GLT1D1: variants seen among roughly 807,000 people sequenced by gnomAD.
The protein encoded by GLT1D1 is glycosyltransferase 1 domain-containing protein 1.
A neutral mutation model predicts 28.7 loss-of-function variants in GLT1D1; 21 were observed. That is an observed-to-expected ratio of 0.73 (90% confidence interval 0.52 to 1.05). GLT1D1 has a LOEUF of 1.05. Among genes scored for constraint, GLT1D1 ranks in the 50% least tolerant of loss-of-function variants. The pLI is 0.00. For synonymous variants in GLT1D1, 147 were observed against 124.8 expected (o/e 1.18, Z -1.19); for missense variants, 343 against 330.6 (o/e 1.04, Z -0.29).
rs532669529 is a variant in GLT1D1, at chr12:128,884,783, T to C, written c.218-3856T>C. On this transcript the variant is annotated intron_variant, in intron 2 of 7. Coordinates refer to ENST00000281703, the MANE Select transcript of GLT1D1 (RefSeq NM_144669.3). ...GAGCCAAGATAGCACCGCTGCACTC[T>C]AGCCTGGGTGACCAAGTGAGACTCT... 2.6e-3 allele frequency among the ~76,000 whole-genome samples: 399 copies of C among 152,138 alleles called. 1 individual carries two copies. Among genetic ancestry groups the C allele is most frequent in the Non-Finnish European group, 4.2e-3 (283 of 67,982 alleles).
intron 1 of GLT1D1, among the ~76,000 whole-genome samples, chr12:128,868,007 A>G (rs1428196972): frequency 6.6e-6 from 1 of 152,258 alleles, no homozygotes; most frequent in African/African-American, 2.4e-5. Context: ...GAGTAATTGA[A>G]TTGAAAGCTA....
At chr12:128,909,044 C>T (rs1326182134) in intron 4 of GLT1D1, among the ~76,000 whole-genome samples, 1 of 152,194 alleles carries the variant, frequency 6.6e-6, no homozygotes. Flanking sequence ...GCTAGTCTCC[C>T]GTTTCTGACC....
chr12:128,958,299 C>T (rs1877502069), intron 7 of GLT1D1, among the ~76,000 whole-genome samples: 1 of 152,196 alleles, frequency 6.6e-6, no homozygotes, highest in African/African-American at 2.4e-5. Flanking sequence ...TCTCCAAGCC[C>T]CACTTTCTCT....
At chr12:128,854,694 A>G (rs772361013) in intron 1 of GLT1D1, among the ~76,000 whole-genome samples, 6 of 151,908 alleles carry the variant, frequency 3.9e-5, no homozygotes, top group African/African-American at 9.7e-5. Context: ...ACAGGGTTTC[A>G]CCATGTTGGC....
chr12:128,982,709 T>C (rs1880449183), intron 7 of GLT1D1, among the ~76,000 whole-genome samples: 2 of 151,990 alleles, frequency 1.3e-5, no homozygotes, highest in South Asian at 4.2e-4. Context: ...TATGTGTGTG[T>C]GCATGTATGT....
chr12:128,883,589 C>T lies in GLT1D1; in HGVS notation c.218-5050C>T, dbSNP rs567404867. On this transcript the variant is annotated intron_variant, in intron 2 of 7. Coordinates refer to ENST00000281703, the MANE Select transcript of GLT1D1 (RefSeq NM_144669.3). ...TGGGCGACAGAGCTAGACTCCATCT[C>T]AAAAAAAAAAAAAAAAAAAAGTAGA... 2.3e-3 allele frequency among the ~76,000 whole-genome samples: 180 copies of T among 78,020 alleles called. 2 individuals are homozygous for T. Among genetic ancestry groups the T allele is most frequent in the African/African-American group, 6.1e-3 (142 of 23,320 alleles). The allele number at this position is 78,020 out of a possible 152,430, so 51.2% of individuals were successfully genotyped here. A position where few individuals can be genotyped will look rare whatever the true frequency, so the allele number is the denominator to read the frequency against.
chr12:128,853,863 G>T (rs1396275960), intron 1 of GLT1D1, among the ~76,000 whole-genome samples: 2 of 152,160 alleles, frequency 1.3e-5, no homozygotes, highest in Admixed American at 6.5e-5. Flanking sequence ...GTCTCCGTGC[G>T]GCCGGCGCAT....
chr12:128,940,061 T>C (rs1197306889), intron 4 of GLT1D1, among the ~76,000 whole-genome samples: 2 of 151,926 alleles, frequency 1.3e-5, no homozygotes, highest in African/African-American at 4.8e-5. Context: ...TAGCTCTCAA[T>C]AGATGTATTT....
chr12:128,947,325 C>A lies in GLT1D1; in HGVS notation c.420-13C>A. Reference sequence around the variant, plus strand: ...CTTGGAATCAGAGCCACTCTTCCTGCTTTGTGTTTCAGAGCCGCTGGGGTA... The same window carrying A: ...CTTGGAATCAGAGCCACTCTTCCTGATTTGTGTTTCAGAGCCGCTGGGGTA... On this transcript the variant is annotated splice_polypyrimidine_tract_variant and intron_variant, in intron 5 of 7. Coordinates refer to ENST00000281703, the MANE Select transcript of GLT1D1 (RefSeq NM_144669.3). The A allele has an allele frequency of 6.2e-7, 1 of 1,613,670 alleles. No homozygotes were observed. The highest frequency in any genetic ancestry group is 8.5e-7 in the Non-Finnish European group (1 of 1,179,888).
intron 4 of GLT1D1, among the ~76,000 whole-genome samples, chr12:128,942,378 T>C (rs1218769701): frequency 6.6e-6 from 1 of 152,220 alleles, no homozygotes; most frequent in East Asian, 1.9e-4. Flanking sequence ...AAGTGTGTAC[T>C]ATAATTCTTT....
rs1873314836 is a variant in GLT1D1 at position 128,927,170 on chromosome 12, G to C, written c.376-18156G>C. 5 of 1,518,764 alleles carry C rather than the reference G, an allele frequency of 3.3e-6. No homozygotes were observed. The highest frequency in any genetic ancestry group is 4.4e-6 in the Non-Finnish European group (5 of 1,131,044). 94.1% of individuals were successfully genotyped at this position (1,518,764 alleles called of 1,614,324 possible). ...GGGTCCTGAAGTAAGTTGATGTGCA[G>C]TAAACACTTATCTCATCTCTGTTTT... On this transcript the variant is annotated intron_variant, in intron 4 of 7. Coordinates refer to ENST00000281703, the MANE Select transcript of GLT1D1 (RefSeq NM_144669.3).
intron 5 of GLT1D1, 144 bp from the exon 10 acceptor site, chr12:128,947,194 A>G (rs905020571): frequency 5.8e-6 from 5 of 857,802 alleles, no homozygotes; most frequent in African/African-American, 3.4e-5. Context: ...CCACCCCAGT[A>G]TAGTTCTCCT....
intron 4 of GLT1D1, among the ~76,000 whole-genome samples, chr12:128,907,587 A>G (rs1436677435): frequency 2.6e-5 from 4 of 152,066 alleles, no homozygotes; most frequent in Non-Finnish European, 5.9e-5. Context: ...TTACAGGCGT[A>G]AGCCACCGTG....
chr12:128,899,781 G>A (rs1335251557), intron 4 of GLT1D1, among the ~76,000 whole-genome samples: 1 of 151,928 alleles, frequency 6.6e-6, no homozygotes, highest in Non-Finnish European at 1.5e-5. Flanking sequence ...CGAACTACTG[G>A]CCTCAAATGA....
At position 128,984,459 on chromosome 12, in the gene GLT1D1, T is replaced by C. The variant is rs1880604691; in HGVS notation, c.*1369T>C. The C allele has an allele frequency of 1.3e-5, 2 of 152,172 alleles. 1 individual carries two copies. The highest frequency in any genetic ancestry group is 4.8e-5 in the African/African-American group (2 of 41,408). 9.4% of individuals were successfully genotyped at this position (152,172 alleles called of 1,614,324 possible). ...GGATCTCGTGCCGTGTAATTCAATG[T>C]TTCATTCCGCTGCCTCCATCATGTA... is the stretch of plus-strand genomic sequence containing the variant. On this transcript the variant is annotated 3_prime_UTR_variant, in exon 8 of 8. Transcript: ENST00000281703.
At chr12:128,968,291 G>A (rs1878681283) in intron 7 of GLT1D1, among the ~76,000 whole-genome samples, 1 of 151,318 alleles carries the variant, frequency 6.6e-6, no homozygotes, top group Non-Finnish European at 1.5e-5. Flanking sequence ...CACTGCGCCC[G>A]GTCACTTATG....
chr12:128,920,837 C>T (rs1872596331), intron 4 of GLT1D1, among the ~76,000 whole-genome samples: 1 of 152,054 alleles, frequency 6.6e-6, no homozygotes, highest in South Asian at 2.1e-4. Flanking sequence ...TCATGGATAA[C>T]CTAGATATTA....
chr12:128,908,577 G>A (rs1224569890), intron 4 of GLT1D1, among the ~76,000 whole-genome samples: 4 of 149,168 alleles, frequency 2.7e-5, no homozygotes, highest in Admixed American at 2.0e-4. Flanking sequence ...CAAGGCGGAA[G>A]ACTGGCAGCT....
intron 4 of GLT1D1, among the ~76,000 whole-genome samples, chr12:128,902,453 C>A (rs1870383293): frequency 6.7e-6 from 1 of 148,588 alleles, no homozygotes; most frequent in Admixed American, 6.7e-5. Context: ...CCATTGCACT[C>A]CAGCCAGGGC....
Sources: allele counts gnomAD v4.1 joint callset (sites outside exome capture counted in the v4.1 genomes callset), GRCh38; gene constraint gnomAD v4.1.1; transcripts MANE v1.5; gene names NCBI Gene and HGNC (gene_info 2026-07-23, HGNC 2026-07-21).